CEACAM5: variants seen among roughly 807,000 people sequenced by gnomAD.
CEACAM5 encodes the protein cell adhesion molecule CEACAM5.
In CEACAM5, 52 loss-of-function variants were observed where a neutral mutation model predicts 63.0. The observed-to-expected ratio is 0.83, with a 90% CI of 0.66 to 1.04. The LOEUF (loss-of-function observed/expected upper bound fraction) is 1.04. Ranked by LOEUF, CEACAM5 falls within the 50% of genes least tolerant of loss-of-function variation. CEACAM5 has a pLI of 0.00. For synonymous variants in CEACAM5, 357 were observed against 351.3 expected, an observed-to-expected ratio of 1.02 and a Z score of -0.18; for missense variants, 790 against 864.8, an observed-to-expected ratio of 0.91 and a Z score of 1.08.
chr19:41,713,366 C>T (rs1467910732), intron 2 of CEACAM5, among the ~76,000 whole-genome samples: 1 of 152,152 alleles, frequency 6.6e-6, no homozygotes, highest in African/African-American at 2.4e-5. Flanking sequence ...ACTTTGGATT[C>T]CGTATTTTCA....
At chr19:41,714,513 G>A (rs1274038638) in intron 2 of CEACAM5, among the ~76,000 whole-genome samples, 1 of 152,206 alleles carries the variant, frequency 6.6e-6, no homozygotes, top group African/African-American at 2.4e-5. Flanking sequence ...ACAATGGGAA[G>A]ACCCATCACT....
Position 41,717,581 on chromosome 19 carries a change from G to A in CEACAM5, c.1085G>A (p.Ser362Asn), listed in dbSNP as rs1555815264. 1 of 1,614,100 alleles carries A rather than the reference G, an allele frequency of 6.2e-7. No individual in the cohort carries two copies. The highest frequency in any genetic ancestry group is 1.7e-5 in the Admixed American group (1 of 60,002). Residue 362 changes from serine (S) to asparagine (N), a missense_variant, in exon 5 of 10, where the codon AGC (serine) becomes AAC (asparagine). Physicochemically the swap from Ser to Asn is conservative, Grantham distance 46. Transcript: ENST00000221992. Reference protein sequence around the residue: ...TTYLWWVNNQSLPVSPRLQLS... With the variant: ...TTYLWWVNNQNLPVSPRLQLS... ...TACCTGTGGTGGGTAAATAATCAGA[G>A]CCTCCCGGTCAGTCCCAGGCTGCAG...
chr19:41,721,694 C>G (rs1402416843), intron 8 of CEACAM5, among the ~76,000 whole-genome samples: 1 of 152,262 alleles, frequency 6.6e-6, no homozygotes, highest in Admixed American at 6.5e-5. Context: ...TGCCCTGGCT[C>G]CACTTGGGGT....
At chr19:41,721,322 C>A in intron 8 of CEACAM5, 146 bp downstream of exon 8, 1 of 874,262 alleles carries the variant, frequency 1.1e-6, no homozygotes, top group Non-Finnish European at 1.8e-6. Flanking sequence ...CCCCCTCACT[C>A]CATCTCGGCC....
chr19:41,711,093 A>T (rs1446551447), intron 2 of CEACAM5, among the ~76,000 whole-genome samples: 3 of 152,202 alleles, frequency 2.0e-5, no homozygotes, highest in Non-Finnish European at 4.4e-5. Flanking sequence ...ATCTGAGACC[A>T]GTCATGGGCT....
chr19:41,720,825 G>T, intron 7 of CEACAM5, 97 bp from the exon 8 acceptor site: 2 of 1,474,862 alleles, frequency 1.4e-6, no homozygotes, highest in African/African-American at 1.4e-5. Flanking sequence ...ACACAGGATT[G>T]GGACAGGATT....
At chr19:41,728,780 C>T (rs2122853841) in intron 9 of CEACAM5, among the ~76,000 whole-genome samples, 1 of 53,826 alleles carries the variant, frequency 1.9e-5, no homozygotes, top group East Asian at 3.9e-4. Context: ...GAGCAAGACT[C>T]CGTCTCAAAA....
chr19:41,714,514 A>G (rs1600459371), intron 2 of CEACAM5, among the ~76,000 whole-genome samples: 1 of 152,328 alleles, frequency 6.6e-6, no homozygotes, highest in South Asian at 2.1e-4. Context: ...CAATGGGAAG[A>G]CCCATCACTA....
chr19:41,723,441 G>T (rs1419021940), intron 8 of CEACAM5, among the ~76,000 whole-genome samples: 1 of 152,114 alleles, frequency 6.6e-6, no homozygotes, highest in Non-Finnish European at 1.5e-5. Flanking sequence ...GCATGTGCTT[G>T]TTGGCCATTT....
chr19:41,722,714 C>T (rs1471980635), intron 8 of CEACAM5, among the ~76,000 whole-genome samples: 1 of 152,232 alleles, frequency 6.6e-6, no homozygotes, highest in Non-Finnish European at 1.5e-5. Flanking sequence ...TATGGATACA[C>T]CTCATTTTTC....
At chr19:41,718,927 A>C (rs1360431318) in intron 6 of CEACAM5, among the ~76,000 whole-genome samples, 3 of 152,200 alleles carry the variant, frequency 2.0e-5, no homozygotes, top group Non-Finnish European at 4.4e-5. Context: ...GGGCATGTGG[A>C]GAAGGTGCTC....
intron 4 of CEACAM5, among the ~76,000 whole-genome samples, 173 bp from the exon 5 acceptor site, chr19:41,717,282 T>C (rs1223122846): frequency 2.6e-5 from 4 of 152,244 alleles, no homozygotes; most frequent in African/African-American, 9.6e-5. Context: ...AGCCTCATGG[T>C]CTCTGAGCCC....
intron 8 of CEACAM5, among the ~76,000 whole-genome samples, chr19:41,722,891 T>TGTTTG (rs550294319): frequency 6.6e-6 from 1 of 151,838 alleles, no homozygotes; most frequent in African/African-American, 2.4e-5. Flanking sequence ...TAATTCTTTT[T>TGTTTG]TTTGTTTGTT....
chr19:41,719,829 C>T (rs2072588603), intron 6 of CEACAM5, 101 bp from the exon 7 acceptor site: 4 of 1,566,964 alleles, frequency 2.6e-6, no homozygotes, highest in Admixed American at 1.8e-5. Flanking sequence ...TTTAAGGACT[C>T]GGGTGGGCTG....
At chr19:41,715,970 AG>A in intron 4 of CEACAM5, 66 bp downstream of exon 4, 2 of 1,561,554 alleles carry the variant, frequency 1.3e-6, no homozygotes, top group Non-Finnish European at 1.7e-6. Flanking sequence ...TTCAAACAAG[AG>A]CCAGGAAGAC....
In CEACAM5 at chr19:41,715,197, C is replaced by T; in HGVS notation, c.651C>T (p.Thr217=). The part of the protein sequence containing the change: ...RNDTASYKCE[T]QNPVSARRSD... Reference sequence around the variant, plus strand: ...ACACAGCAAGCTACAAATGTGAAACCCAGAACCCAGTGAGTGCCAGGCGCA... The same window carrying T: ...ACACAGCAAGCTACAAATGTGAAACTCAGAACCCAGTGAGTGCCAGGCGCA... Residue 217 remains threonine (T), a synonymous_variant, in exon 3 of 10, where the codon ACC becomes ACT. Coordinates refer to ENST00000221992, the MANE Select transcript of CEACAM5 (RefSeq NM_004363.6). The T allele has an allele frequency of 6.2e-7, 1 of 1,614,202 alleles. No homozygotes were observed. Among genetic ancestry groups the T allele is most frequent in the South Asian group, 1.1e-5 (1 of 91,084 alleles).
intron 8 of CEACAM5, among the ~76,000 whole-genome samples, chr19:41,721,597 A>G (rs1446826619): frequency 3.9e-5 from 6 of 152,204 alleles, no homozygotes; most frequent in African/African-American, 1.4e-4. Context: ...TTTTTCCCCA[A>G]ATGAGAGGAG....
chr19:41,727,438 A>G (rs1028094763), intron 9 of CEACAM5, 86 bp downstream of exon 9: 2 of 729,098 alleles, frequency 2.7e-6, no homozygotes, highest in Non-Finnish European at 4.8e-6. Flanking sequence ...CTTCACCTGT[A>G]TCTGGGACTG....
intron 1 of CEACAM5, 114 bp from the exon 2 acceptor site, chr19:41,709,566 A>T (rs397797525): frequency 2.9e-5 from 42 of 1,434,750 alleles, no homozygotes; most frequent in African/African-American, 1.4e-4. Context: ...ACACACACAC[A>T]CTCACTCACT....
Sources: allele counts gnomAD v4.1 joint callset (sites outside exome capture counted in the v4.1 genomes callset), GRCh38; gene constraint gnomAD v4.1.1; transcripts MANE v1.5; gene names NCBI Gene and HGNC (gene_info 2026-07-23, HGNC 2026-07-21).